CRLF1: variants seen among roughly 807,000 people sequenced by gnomAD.
The protein encoded by CRLF1 is cytokine receptor-like factor 1.
In CRLF1, 36 loss-of-function variants were observed where a neutral mutation model predicts 48.9. That is an observed-to-expected ratio of 0.74 (90% CI 0.56 to 0.97). The LOEUF is 0.97. Among genes scored for constraint, CRLF1 ranks in the 50% least tolerant of loss-of-function variants. CRLF1 has a pLI of 0.00. For missense variants in CRLF1, 534 were observed against 575.1 expected (o/e 0.93, Z 0.73); for synonymous variants, 256 against 253.4 (o/e 1.01, Z -0.10).
In CRLF1 at chr19:18,594,087, C is replaced by T. The variant is rs1337485204; in HGVS notation, c.1233G>A (p.Ser411=). The change falls in exon 8 of 9, where the codon TCG becomes TCA. Residue 411 remains serine (S), a synonymous_variant. Coordinates refer to ENST00000392386, the MANE Select transcript of CRLF1 (RefSeq NM_004750.5). The part of the protein sequence containing the change: ...TRNQDEGILP[S]GRRGTARGPA... ...TACCTCTCGCCGTGCCCCGTCTGCC[C>T]GAGGGCAGGATCCCCTCGTCCTGTG... 6 of 1,562,640 alleles carry T rather than the reference C, an allele frequency of 3.8e-6. No individual in the cohort carries two copies. Among genetic ancestry groups the T allele is most frequent in the African/African-American group, 1.4e-5 (1 of 73,348 alleles).
intron 1 of CRLF1, 104 bp from the exon 2 acceptor site, chr19:18,599,950 T>A: frequency 8.3e-7 from 1 of 1,208,882 alleles, no homozygotes; most frequent in Non-Finnish European, 1.1e-6. Context: ...AAGACGCTGT[T>A]AATGATTGTC....
At position 18,606,189 on chromosome 19, in the gene CRLF1, C is replaced by T. The variant is rs900214140; in HGVS notation, c.115+353G>A. Among the ~76,000 whole-genome samples, 1 of 151,660 alleles carries T rather than the reference C, an allele frequency of 6.6e-6. No individual in the cohort carries two copies. The highest frequency in any genetic ancestry group is 6.6e-5 in the Admixed American group (1 of 15,248). ...GTGCGCCCCCGCCTGGGAGCGGTGC[C>T]CTGCAGTCCCAGGGGCCCAGAGTCC... is the stretch of plus-strand genomic sequence containing the variant. On this transcript the variant is annotated intron_variant, in intron 1 of 8. Transcript: ENST00000392386. This position sits in a 1 kb window ranked among gnomAD's most constrained non-coding sequence, Gnocchi z 4.8.
rs746478763 is a variant in CRLF1, at chr19:18,596,620, AC to A, written c.1024+1del. The A allele has an allele frequency of 1.2e-6, 2 of 1,613,882 alleles. No individual in the cohort carries two copies. ...ATCACCCAGCCCTAGGAGGGTGCTCACCACTGCGGGGAGTGGAGGCGGCTGT... is the reference window on the plus strand; with the variant it reads ...ATCACCCAGCCCTAGGAGGGTGCTCACACTGCGGGGAGTGGAGGCGGCTGT... On this transcript the variant is annotated splice_donor_variant, in intron 6 of 8. Coordinates refer to ENST00000392386, the MANE Select transcript of CRLF1 (RefSeq NM_004750.5). LOFTEE classifies it high-confidence loss of function.
rs1194598990 is a variant in CRLF1, at chr19:18,599,837, A to G, written c.125T>C (p.Val42Ala). 2.0e-6 allele frequency: 3 copies of G among 1,535,406 alleles called. No homozygotes were observed. Among genetic ancestry groups the G allele is most frequent in the Middle Eastern group, 1.8e-4 (1 of 5,668 alleles). Residue 42 changes from valine (V) to alanine (A), a missense_variant, in exon 2 of 9, where the codon GTG (valine) becomes GCG (alanine). This residue lies in a region of CRLF1 where 528 missense variants were observed against 555.7 expected (regional missense o/e 0.95). Transcript: ENST00000392386. ...AAGCGTGGGATCCTGGGGACTGATC[A>G]CAGCTGTGTCTGGGGTCAAAGAGGA... is the stretch of plus-strand genomic sequence containing the variant. ...PRAGSGAHTA[V>A]ISPQDPTLLI...
In CRLF1 at chr19:18,596,774, C is replaced by T. The variant is rs1316260876; in HGVS notation, c.872G>A (p.Ser291Asn). 13 of 1,614,004 alleles carry T rather than the reference C, an allele frequency of 8.1e-6. No homozygotes were observed. Among genetic ancestry groups the T allele is most frequent in the South Asian group, 1.1e-5 (1 of 91,062 alleles). The change falls in exon 6 of 9, where the codon AGC becomes AAC. Residue 291 changes from serine (S) to asparagine (N), a missense_variant. By Grantham distance (46) the Ser-to-Asn change is conservative. Coordinates refer to ENST00000392386, the MANE Select transcript of CRLF1 (RefSeq NM_004750.5). Reference sequence around the variant, plus strand: ...GGCCAGGCGGCAGGAGGTCTGGTTGCTCACATCGTCCACCACCTGGACAGT... The same window carrying T: ...GGCCAGGCGGCAGGAGGTCTGGTTGTTCACATCGTCCACCACCTGGACAGT... ...SVDWKVVDDV[S>N]NQTSCRLAGL...
At chr19:18,598,388 G>A in intron 4 of CRLF1, 44 bp downstream of exon 4, 5 of 1,576,602 alleles carry the variant, frequency 3.2e-6, no homozygotes, top group Non-Finnish European at 4.3e-6. Context: ...TCGGTGGGTG[G>A]GGCTGGTGCC....
In CRLF1 at chr19:18,594,351, A is replaced by G. The variant is rs1331726830; in HGVS notation, c.1108T>C (p.Phe370Leu). The G allele has an allele frequency of 6.2e-7, 1 of 1,610,808 alleles. No individual in the cohort carries two copies. The highest frequency in any genetic ancestry group is 1.3e-5 in the African/African-American group (1 of 74,406). Residue 370 changes from phenylalanine (F) to leucine (L), a missense_variant, in exon 7 of 9, where the codon TTC becomes CTC. Phe to Leu is a conservative substitution (Grantham distance 22). Transcript: ENST00000392386. ...GCGTGCTTCTTGAGCCAGCCCAGGA[A>G]CTGCTTGAGCTCGCGCCGCACCGGC... ...SGPVRRELKQFLGWLKKHAYC... is the reference protein window; with the variant it reads ...SGPVRRELKQLLGWLKKHAYC...
intron 1 of CRLF1, among the ~76,000 whole-genome samples, chr19:18,605,529 T>A (rs1438120584): frequency 6.6e-6 from 1 of 152,030 alleles, no homozygotes; most frequent in Non-Finnish European, 1.5e-5. Flanking sequence ...CCCTGTGGGA[T>A]GTGTGTGACC....
In CRLF1 at chr19:18,598,768, C is replaced by A; in HGVS notation, c.527+4G>T. The A allele has an allele frequency of 6.2e-7, 1 of 1,614,138 alleles. No homozygotes were observed. The highest frequency in any genetic ancestry group is 8.5e-7 in the Non-Finnish European group (1 of 1,180,008). On this transcript the variant is annotated splice_donor_region_variant and intron_variant, in intron 3 of 8. Transcript: ENST00000392386. ...ACACACATCGCCCTCAGGCCACCAC[C>A]AACCTAAGCTTGTACTTGAGGGAGT...
At chr19:18,596,409 G>A (rs1356025796) in intron 6 of CRLF1, among the ~76,000 whole-genome samples, 2 of 152,138 alleles carry the variant, frequency 1.3e-5, no homozygotes, top group African/African-American at 2.4e-5. Flanking sequence ...GCATGTTGGC[G>A]CGTGCCTGTA....
At chr19:18,596,846 G>A (rs1421471255) in intron 5 of CRLF1, 46 bp downstream of exon 5, 1 of 1,613,118 alleles carries the variant, frequency 6.2e-7, no homozygotes, top group Middle Eastern at 1.7e-4. Context: ...GAGCGGGGGC[G>A]GGGCCTGGAA....
At chr19:18,603,524 C>T (rs1020597115) in intron 1 of CRLF1, among the ~76,000 whole-genome samples, 9 of 152,090 alleles carry the variant, frequency 5.9e-5, no homozygotes, top group African/African-American at 1.4e-4. Flanking sequence ...GGGAGGGATG[C>T]GGTGAGATAT....
In CRLF1 at chr19:18,594,372, C is replaced by T. The variant is rs1976100920; in HGVS notation, c.1087G>A (p.Val363Met). The T allele has an allele frequency of 6.2e-7, 1 of 1,607,316 alleles. No homozygotes were observed. The highest frequency in any genetic ancestry group is 1.3e-5 in the African/African-American group (1 of 74,490). ...PRGGEPSSGP[V>M]RRELKQFLGW... is the part of the protein sequence containing the mutation. ...AGGAACTGCTTGAGCTCGCGCCGCACCGGCCCCGAGCTCGGCTCTCCGCCC... is the reference window on the plus strand; with the variant it reads ...AGGAACTGCTTGAGCTCGCGCCGCATCGGCCCCGAGCTCGGCTCTCCGCCC... Residue 363 changes from valine (V) to methionine (M), a missense_variant, in exon 7 of 9, where the codon GTG becomes ATG. Val to Met is a conservative substitution (Grantham distance 21). Transcript: ENST00000392386.
At chr19:18,596,445 TAGG>T (rs560625394) in intron 6 of CRLF1, among the ~76,000 whole-genome samples, 174 bp downstream of exon 6, 1 of 151,560 alleles carries the variant, frequency 6.6e-6, no homozygotes, top group Non-Finnish European at 1.5e-5. Context: ...GAGGCTCAGG[TAGG>T]AGAATCGCTT....
At chr19:18,603,419 CA>C (rs1169213723) in intron 1 of CRLF1, among the ~76,000 whole-genome samples, 2 of 152,204 alleles carry the variant, frequency 1.3e-5, no homozygotes, top group Non-Finnish European at 2.9e-5. Flanking sequence ...CTGCAAGTGC[CA>C]AGGTCCTGGG....
chr19:18,598,621 A>G lies in CRLF1; in HGVS notation c.528-20T>C. The G allele has an allele frequency of 1.9e-6, 3 of 1,613,910 alleles. No individual in the cohort carries two copies. In the East Asian group the frequency reaches 6.7e-5, roughly 36 times the overall value. On this transcript the variant is annotated intron_variant, in intron 3 of 8. Transcript: ENST00000392386. The stretch of plus-strand genomic sequence containing the variant: ...TACCACCTGCGGGGATGGGAGGGCG[A>G]CAGGACGCATGAGGGTTCCTTGTGG...
Position 18,598,951 on chromosome 19 carries a change from G to A in CRLF1, c.398-50C>T, listed in dbSNP as rs28579583. ...AGCAGGCTGAGGGTCTGGACTAGCT[G>A]AGCCTCGGCTGAGGGGTTGCTGCCC... On this transcript the variant is annotated intron_variant, in intron 2 of 8. Coordinates refer to ENST00000392386, the MANE Select transcript of CRLF1 (RefSeq NM_004750.5). The A allele has an allele frequency of 0.039, 63,102 of 1,606,174 alleles. 3,964 individuals carry two copies. The highest frequency in any genetic ancestry group is 0.29 in the African/African-American group (21,819 of 74,662).
chr19:18,593,660 C>G, intron 8 of CRLF1, 81 bp from the exon 9 acceptor site: 1 of 1,553,516 alleles, frequency 6.4e-7, no homozygotes, highest in East Asian at 2.4e-5. Flanking sequence ...AGGCTTCATT[C>G]GTGTCCTGTC....
At position 18,597,560 on chromosome 19, in the gene CRLF1, G is replaced by C. The variant is rs571713164; in HGVS notation, c.698-511C>G. On this transcript the variant is annotated intron_variant, in intron 4 of 8. Transcript: ENST00000392386. ...TTCTCCTGCCTCAGCCTCCCAAGTAGCTGGGACTACAGGCGCCCGCCACTA... is the reference window on the plus strand; with the variant it reads ...TTCTCCTGCCTCAGCCTCCCAAGTACCTGGGACTACAGGCGCCCGCCACTA... Among the ~76,000 whole-genome samples the C allele has an allele frequency of 7.9e-3, 1,186 of 150,174 alleles. 7 individuals are homozygous for C. The highest frequency in any genetic ancestry group is 0.013 in the Non-Finnish European group (885 of 67,428).
Sources: allele counts gnomAD v4.1 joint callset (sites outside exome capture counted in the v4.1 genomes callset), GRCh38; gene constraint gnomAD v4.1.1; regional missense constraint gnomAD v4.1.1; non-coding constraint Gnocchi (gnomAD v3.1); transcripts MANE v1.5; gene names NCBI Gene and HGNC (gene_info 2026-07-23, HGNC 2026-07-21).